Variants in ADAM7 observed in about 807,000 individuals in gnomAD.
ADAM7 encodes the protein ADAM metallopeptidase domain 7.
In ADAM7, 97 loss-of-function variants were observed where a neutral mutation model predicts 102.9. That is an observed-to-expected ratio of 0.94 (90% CI 0.80 to 1.12). The LOEUF (loss-of-function observed/expected upper bound fraction) is 1.12, where lower values mean the gene tolerates loss of function less well. ADAM7 is among the 50% of genes most tolerant of loss of function. The probability of loss-of-function intolerance (pLI) is 0.00; values close to 1 mark genes in which losing one functional copy is unlikely to be tolerated. For synonymous variants in ADAM7, 334 were observed against 304.4 expected, an observed-to-expected ratio of 1.10 and a Z score of -1.01; for missense variants, 991 against 908.7, an observed-to-expected ratio of 1.09 and a Z score of -1.16.
At chr8:24,453,662 T>C (rs1327871683) in intron 3 of ADAM7, among the ~76,000 whole-genome samples, 4 of 152,246 alleles carry the variant, frequency 2.6e-5, no homozygotes, top group Admixed American at 6.5e-5. Context: ...GTCAAAGTCA[T>C]TCTCCATTCA....
chr8:24,497,364 A>T (rs1046109186), intron 16 of ADAM7, among the ~76,000 whole-genome samples: 2 of 152,222 alleles, frequency 1.3e-5, no homozygotes, highest in African/African-American at 4.8e-5. Flanking sequence ...TTTTGAATGA[A>T]ATTTTAAAAC....
chr8:24,474,133 A>G (rs1374509511), intron 7 of ADAM7, among the ~76,000 whole-genome samples: 1 of 152,154 alleles, frequency 6.6e-6, no homozygotes, highest in Non-Finnish European at 1.5e-5. Flanking sequence ...GTAATAAAAA[A>G]GGTAAGACCC....
At chr8:24,446,564 T>A (rs1234236829) in intron 2 of ADAM7, among the ~76,000 whole-genome samples, 1 of 152,160 alleles carries the variant, frequency 6.6e-6, no homozygotes, top group African/African-American at 2.4e-5. Flanking sequence ...TCATAGTAAA[T>A]ATAGATTAAA....
chr8:24,474,977 C>T (rs1272585320), intron 7 of ADAM7, among the ~76,000 whole-genome samples: 2 of 152,046 alleles, frequency 1.3e-5, no homozygotes, highest in African/African-American at 4.8e-5. Context: ...AATAAGGAAA[C>T]CAAAGGCAGT....
chr8:24,452,389 C>A (rs1818831675), intron 3 of ADAM7, among the ~76,000 whole-genome samples: 1 of 148,066 alleles, frequency 6.8e-6, no homozygotes, highest in South Asian at 2.2e-4. Context: ...GAATTGATCC[C>A]TTTACCATTA....
chr8:24,505,112 A>AT (rs1320440597), intron 20 of ADAM7, among the ~76,000 whole-genome samples: 2 of 152,166 alleles, frequency 1.3e-5, no homozygotes, highest in African/African-American at 4.8e-5. Context: ...TTAGCACTTA[A>AT]TATGTGTTAT....
chr8:24,453,626 C>T (rs1020020208), intron 3 of ADAM7, among the ~76,000 whole-genome samples: 3 of 152,162 alleles, frequency 2.0e-5, no homozygotes, highest in South Asian at 2.1e-4. Flanking sequence ...GTAGTTTGAT[C>T]GTCTGAAGCC....
At chr8:24,446,020 G>A (rs148106582) in intron 2 of ADAM7, among the ~76,000 whole-genome samples, 152 of 152,014 alleles carry the variant, frequency 1.0e-3, no homozygotes, top group African/African-American at 3.6e-3. Flanking sequence ...TGCCAAGCAG[G>A]GACTTCCATG....
intron 3 of ADAM7, among the ~76,000 whole-genome samples, chr8:24,460,926 T>C (rs915668508): frequency 3.9e-5 from 6 of 152,198 alleles, no homozygotes; most frequent in Non-Finnish European, 5.9e-5. Context: ...TACAATTTCA[T>C]TGAGACTAAA....
intron 8 of ADAM7, among the ~76,000 whole-genome samples, chr8:24,479,509 T>A (rs562471890): frequency 1.3e-5 from 2 of 152,228 alleles, no homozygotes; most frequent in East Asian, 3.9e-4. Context: ...ATTTTATAAT[T>A]TTTTGCAAAA....
intron 3 of ADAM7, among the ~76,000 whole-genome samples, chr8:24,453,373 C>T (rs1206171056): frequency 6.6e-6 from 1 of 152,078 alleles, no homozygotes; most frequent in Non-Finnish European, 1.5e-5. Context: ...TTTCTCTAAA[C>T]TTCCCTTCTC....
At chr8:24,492,821 A>G (rs1460085779) in intron 15 of ADAM7, among the ~76,000 whole-genome samples, 1 of 152,186 alleles carries the variant, frequency 6.6e-6, no homozygotes, top group African/African-American at 2.4e-5. Flanking sequence ...TGAGGTTCAC[A>G]GGGAAATCCA....
intron 3 of ADAM7, among the ~76,000 whole-genome samples, chr8:24,461,156 C>T: frequency 6.6e-6 from 1 of 152,072 alleles, no homozygotes. Context: ...CCACGCCCAG[C>T]TAATTTTTGG....
At chr8:24,472,746 T>C (rs562441035) in intron 7 of ADAM7, among the ~76,000 whole-genome samples, 97 of 151,996 alleles carry the variant, frequency 6.4e-4, no homozygotes, top group African/African-American at 2.0e-3. Flanking sequence ...AAAGTAATTT[T>C]AGCAATGAGA....
At chr8:24,488,226 C>T (rs977089558) in intron 11 of ADAM7, among the ~76,000 whole-genome samples, 30 of 152,140 alleles carry the variant, frequency 2.0e-4, no homozygotes, top group Admixed American at 8.5e-4. Context: ...CACCACTGTA[C>T]TAGAAAAGTC....
At chr8:24,475,634 G>T (rs1397360089) in intron 7 of ADAM7, among the ~76,000 whole-genome samples, 1 of 152,142 alleles carries the variant, frequency 6.6e-6, no homozygotes, top group Non-Finnish European at 1.5e-5. Context: ...CTATATCTTA[G>T]CAGTATTTTG....
chr8:24,466,586 A>G (rs527420818), intron 5 of ADAM7, among the ~76,000 whole-genome samples: 2 of 152,144 alleles, frequency 1.3e-5, no homozygotes, highest in Non-Finnish European at 2.9e-5. Flanking sequence ...GGACTGTGAA[A>G]CTTCTGAAAA....
chr8:24,500,482 A>G (rs1820721401), intron 18 of ADAM7, among the ~76,000 whole-genome samples: 1 of 152,138 alleles, frequency 6.6e-6, no homozygotes, highest in Non-Finnish European at 1.5e-5. Context: ...AAATTTTCTT[A>G]GGTATCCCAC....
In ADAM7 at chr8:24,442,046, C is replaced by A. The variant is rs1017152781; in HGVS notation, c.53-427C>A. On this transcript the variant is annotated intron_variant, in intron 1 of 21. Coordinates refer to ENST00000175238, the MANE Select transcript of ADAM7 (RefSeq NM_003817.4). ...AAAATTAGCCAGGCATGGTGGTGTGCACTTGTAATCCCAGCTACTTGGGAG... is the reference window on the plus strand; with the variant it reads ...AAAATTAGCCAGGCATGGTGGTGTGAACTTGTAATCCCAGCTACTTGGGAG... 3.4e-4 allele frequency among the ~76,000 whole-genome samples: 51 copies of A among 152,150 alleles called. 1 individual carries two copies. The highest frequency in any genetic ancestry group is 1.1e-3 in the African/African-American group (47 of 41,504).
Sources: gnomAD v4.1 joint callset for allele counts (sites outside exome capture counted in the v4.1 genomes callset) on GRCh38, gnomAD v4.1.1 for gene constraint, MANE v1.5 for transcripts, NCBI Gene and HGNC (gene_info 2026-07-23, HGNC 2026-07-21) for gene names.